Variants in PDE1C observed in about 807,000 individuals in gnomAD.
PDE1C encodes the protein phosphodiesterase 1C.
In PDE1C, 62 loss-of-function variants were observed where a neutral mutation model predicts 93.1. That is an observed-to-expected ratio of 0.67 (90% CI 0.54 to 0.82). The LOEUF is 0.82. Ranked by LOEUF, PDE1C falls within the 40% of genes least tolerant of loss-of-function variation. The pLI, the probability that PDE1C is intolerant of heterozygous loss-of-function variation, is 0.00. For missense variants in PDE1C, 742 were observed against 884.6 expected (o/e 0.84, Z 2.04); for synonymous variants, 325 against 310.1 (o/e 1.05, Z -0.50).
intron 2 of PDE1C, among the ~76,000 whole-genome samples, chr7:31,964,546 C>A (rs962886318): frequency 1.3e-5 from 2 of 152,240 alleles, no homozygotes; most frequent in Non-Finnish European, 2.9e-5. Context: ...CACAGACAAA[C>A]AAAAGGCAGA....
intron 3 of PDE1C, among the ~76,000 whole-genome samples, chr7:32,130,543 C>T (rs963551911): frequency 2.0e-5 from 3 of 152,016 alleles, no homozygotes; most frequent in African/African-American, 4.8e-5. Context: ...GTAATTTCAG[C>T]GTAATGAATT....
At chr7:32,362,422 G>A (rs1344806888) in intron 1 of PDE1C, among the ~76,000 whole-genome samples, 1 of 152,110 alleles carries the variant, frequency 6.6e-6, no homozygotes, top group Non-Finnish European at 1.5e-5. Flanking sequence ...CTCTCTCAGT[G>A]GCTTTGGTCA....
At chr7:32,095,582 TA>T (rs1176811017) in intron 3 of PDE1C, among the ~76,000 whole-genome samples, 1 of 152,228 alleles carries the variant, frequency 6.6e-6, no homozygotes, top group Non-Finnish European at 1.5e-5. Context: ...ACACGGTTCT[TA>T]TTATATTTCT....
intron 1 of PDE1C, among the ~76,000 whole-genome samples, chr7:32,282,512 G>GATAGATAGATAGATAGATAGATA (rs1562647710): frequency 5.3e-3 from 40 of 7,590 alleles, no homozygotes; most frequent in African/African-American, 1.0e-2. Context: ...ATAGATAGAT[G>GATAGATAGATAGATAGATAGATA]GTCAATTAAC....
At chr7:31,966,126 A>G (rs1254916192) in intron 2 of PDE1C, among the ~76,000 whole-genome samples, 2 of 152,222 alleles carry the variant, frequency 1.3e-5, no homozygotes, top group African/African-American at 4.8e-5. Context: ...CTTAAATGTA[A>G]ATGGGCTAAA....
chr7:31,816,279 T>C, intron 14 of PDE1C, 125 bp from the exon 15 acceptor site: 1 of 842,414 alleles, frequency 1.2e-6, no homozygotes, highest in Non-Finnish European at 1.8e-6. Flanking sequence ...GGTACATTTT[T>C]GCTTAATTCA....
intron 1 of PDE1C, among the ~76,000 whole-genome samples, chr7:32,053,592 A>G (rs561050076): frequency 6.6e-6 from 1 of 152,310 alleles, no homozygotes; most frequent in Non-Finnish European, 1.5e-5. Flanking sequence ...CCTAGCCTCT[A>G]CTCAGAAGCC....
At chr7:31,997,203 A>G (rs1784825926) in intron 2 of PDE1C, among the ~76,000 whole-genome samples, 1 of 152,222 alleles carries the variant, frequency 6.6e-6, no homozygotes, top group South Asian at 2.1e-4. Context: ...AGGAACTACA[A>G]CATTGGACAA....
At chr7:31,966,631 T>G (rs1019208555) in intron 2 of PDE1C, among the ~76,000 whole-genome samples, 5 of 152,192 alleles carry the variant, frequency 3.3e-5, no homozygotes, top group Admixed American at 6.5e-5. Flanking sequence ...TACAGAACTC[T>G]CTACCCTAAA....
At chr7:32,032,298 C>T (rs1175470929) in intron 2 of PDE1C, among the ~76,000 whole-genome samples, 8 of 152,304 alleles carry the variant, frequency 5.3e-5, no homozygotes, top group African/African-American at 1.9e-4. Context: ...AACAAACCTA[C>T]TTGCCCTTGC....
At position 32,047,062 on chromosome 7, in the gene PDE1C, AGTGTGT is replaced by A. The variant is rs59580872; in HGVS notation, c.128+4486_128+4491del. Among the ~76,000 whole-genome samples the A allele has an allele frequency of 5.8e-3, 848 of 145,940 alleles. 11 individuals are homozygous for A. The highest frequency in any genetic ancestry group is 5.1e-3 in the Non-Finnish European group (337 of 66,052). ...GTGTGTGTGTGTGTGTGCGAGACAG[AGTGTGT>A]GTGTGTGTGTGTGTGTGTGTGTGTT... On this transcript the variant is annotated intron_variant, in intron 2 of 17. Coordinates refer to ENST00000396191, the MANE Select transcript of PDE1C (RefSeq NM_001191057.4).
intron 3 of PDE1C, among the ~76,000 whole-genome samples, chr7:32,129,422 CTT>C (rs989836496): frequency 2.0e-5 from 3 of 147,616 alleles, no homozygotes; most frequent in South Asian, 2.1e-4. Flanking sequence ...TTTTGATTAA[CTT>C]GTACTCATTT....
Position 32,206,155 on chromosome 7 carries a change from A to G in PDE1C, c.136+3334T>C, listed in dbSNP as rs913278769. On this transcript the variant is annotated intron_variant, in intron 2 of 18. Coordinates refer to the PDE1C transcript ENST00000396193. Reference sequence around the variant, plus strand: ...CCCCGGCTTGACCCCCAGAGCTTACATGGTGGCTGCTGGGGACTCTCCCAC... The same window carrying G: ...CCCCGGCTTGACCCCCAGAGCTTACGTGGTGGCTGCTGGGGACTCTCCCAC... Among the ~76,000 whole-genome samples, 8 of 152,254 alleles carry G rather than the reference A, an allele frequency of 5.3e-5. No individual in the cohort carries two copies. In the East Asian group the frequency reaches 5.8e-4, roughly 11 times the overall value.
Position 32,378,303 on chromosome 7 carries a change from A to G in PDE1C, c.310+49519T>C, listed in dbSNP as rs147871608. Among the ~76,000 whole-genome samples the G allele has an allele frequency of 5.6e-3, 854 of 151,328 alleles. 12 individuals carry two copies. Among genetic ancestry groups the G allele is most frequent in the African/African-American group, 0.019 (798 of 41,494 alleles). On this transcript the variant is annotated intron_variant, in intron 1 of 1. Coordinates refer to the PDE1C transcript ENST00000672256. ...ATGCCGATCTTGAAACCACCTTTGT[A>G]AAAATTGTATCAGTAGATACAATGG... is the stretch of plus-strand genomic sequence containing the variant.
intron 1 of PDE1C, among the ~76,000 whole-genome samples, chr7:32,371,806 TATC>T (rs1784339860): frequency 1.3e-5 from 2 of 152,200 alleles, no homozygotes; most frequent in Admixed American, 1.3e-4. Flanking sequence ...AAATCTTAGA[TATC>T]TTTTTTGCAG....
intron 2 of PDE1C, among the ~76,000 whole-genome samples, chr7:32,171,294 G>A (rs571203604): frequency 2.1e-4 from 32 of 151,710 alleles, no homozygotes; most frequent in African/African-American, 6.8e-4. Context: ...AAGAACCTGC[G>A]ACAGAACACC....
chr7:32,149,980 G>C lies in PDE1C; in HGVS notation c.308+19805C>G, dbSNP rs1011559629. Among the ~76,000 whole-genome samples, 34 of 152,272 alleles carry C rather than the reference G, an allele frequency of 2.2e-4. 1 individual carries two copies. The highest frequency in any genetic ancestry group is 8.2e-4 in the African/African-American group (34 of 41,566). ...AACGGGCTTCTACTCTAATCAAGGA[G>C]ATAATCTCTATCTCTAAGTTGTTGA... On this transcript the variant is annotated intron_variant, in intron 3 of 18. Coordinates refer to the PDE1C transcript ENST00000396193.
At chr7:32,000,532 C>T (rs1361722930) in intron 2 of PDE1C, among the ~76,000 whole-genome samples, 1 of 152,052 alleles carries the variant, frequency 6.6e-6, no homozygotes, top group Non-Finnish European at 1.5e-5. Context: ...GCAGCCACAC[C>T]CCTCATTATC....
chr7:32,175,577 T>G (rs1019110646), intron 2 of PDE1C, among the ~76,000 whole-genome samples: 1 of 152,112 alleles, frequency 6.6e-6, no homozygotes, highest in Admixed American at 6.5e-5. Flanking sequence ...AACTCTACCA[T>G]CTCTGCACTC....
Sources: gnomAD v4.1 joint callset for allele counts (sites outside exome capture counted in the v4.1 genomes callset) on GRCh38, gnomAD v4.1.1 for gene constraint, MANE v1.5 for transcripts, NCBI Gene and HGNC (gene_info 2026-07-23, HGNC 2026-07-21) for gene names.